DMD: variants seen among roughly 807,000 people sequenced by gnomAD.
DMD encodes the protein dystrophin, also known as mutant dystrophin.
A neutral mutation model predicts 330.1 loss-of-function variants in DMD; 63 were observed. That is an observed-to-expected ratio of 0.19 (90% CI 0.16 to 0.24). The LOEUF (loss-of-function observed/expected upper bound fraction) is 0.24. Ranked by LOEUF, DMD falls within the 10% of genes least tolerant of loss-of-function variation. The probability of loss-of-function intolerance (pLI) is 1.00; values close to 1 mark genes in which losing one functional copy is unlikely to be tolerated. For missense variants in DMD, 3,344 were observed against 2,684.1 expected, an observed-to-expected ratio of 1.25 and a Z score of -5.43; for synonymous variants, 1,223 against 959.8, an observed-to-expected ratio of 1.27 and a Z score of -5.07.
intron 42 of DMD, among the ~76,000 whole-genome samples, chrX:32,302,483 G>A (rs1451571506): frequency 9.0e-6 from 1 of 111,392 alleles, no homozygotes; most frequent in South Asian, 3.7e-4. Context: ...AAAAGCAAAC[G>A]TGGCTTAGCT....
chrX:32,743,515 C>A (rs778631602), intron 7 of DMD, among the ~76,000 whole-genome samples: 2 of 110,889 alleles, frequency 1.8e-5, no homozygotes, highest in East Asian at 5.7e-4. Flanking sequence ...AAAGAAAGGA[C>A]CCTTATTTGT....
intron 1 of DMD, among the ~76,000 whole-genome samples, chrX:33,221,150 G>A (rs1390679516): frequency 9.0e-6 from 1 of 111,464 alleles, no homozygotes; most frequent in Non-Finnish European, 1.9e-5. Context: ...CTGGGCCGTG[G>A]AATAAATGTG....
intron 7 of DMD, among the ~76,000 whole-genome samples, chrX:32,731,860 C>T (rs2067712991): frequency 8.9e-6 from 1 of 112,053 alleles, no homozygotes; most frequent in African/African-American, 3.2e-5. Flanking sequence ...AGCACCTCTC[C>T]TCCTCCAAAG....
At chrX:31,373,188 G>T in intron 60 of DMD, among the ~76,000 whole-genome samples, 1 of 106,687 alleles carries the variant, frequency 9.4e-6, no homozygotes, top group Non-Finnish European at 1.9e-5. Flanking sequence ...AGAAATGGAA[G>T]AACATTCCAT....
At chrX:31,483,301 C>T (rs1006763496) in intron 57 of DMD, among the ~76,000 whole-genome samples, 4 of 110,439 alleles carry the variant, frequency 3.6e-5, no homozygotes, top group Non-Finnish European at 3.8e-5. Context: ...CCGCCTTGGC[C>T]TCCCAAAGTG....
chrX:32,109,272 C>A (rs765072895), intron 44 of DMD, among the ~76,000 whole-genome samples: 2 of 110,464 alleles, frequency 1.8e-5, no homozygotes, highest in Admixed American at 9.7e-5. Flanking sequence ...AGACTCTATG[C>A]GCCCAGAATA....
chrX:31,338,203 C>T (rs942099452), intron 61 of DMD, among the ~76,000 whole-genome samples: 18 of 107,835 alleles, frequency 1.7e-4, no homozygotes, highest in Middle Eastern at 5.0e-3. Flanking sequence ...CGGTGGCTCA[C>T]GCCTGTAATC....
intron 9 of DMD, among the ~76,000 whole-genome samples, chrX:32,690,941 A>G (rs1327154616): frequency 2.7e-5 from 3 of 110,658 alleles, no homozygotes; most frequent in Non-Finnish European, 5.7e-5. Flanking sequence ...AATTATTTCC[A>G]AAAGCACAAG....
At position 32,649,446 on chromosome X, in the gene DMD, G is replaced by A. The variant is rs753364240; in HGVS notation, c.961-4294C>T. Reference sequence around the variant, plus strand: ...GCGGCGCCTGTAGTCCCAGTTACTCGGGAGGCTGAGGTAGGAGGAGAAAGG... The same window carrying A: ...GCGGCGCCTGTAGTCCCAGTTACTCAGGAGGCTGAGGTAGGAGGAGAAAGG... On this transcript the variant is annotated intron_variant, in intron 9 of 78. Coordinates refer to ENST00000357033, the MANE Select transcript of DMD (RefSeq NM_004006.3). 3.2e-3 allele frequency among the ~76,000 whole-genome samples: 349 copies of A among 108,330 alleles called. 1 individual carries two copies. The highest frequency in any genetic ancestry group is 5.5e-3 in the Non-Finnish European group (287 of 52,396). 94.1% of individuals were successfully genotyped at this position (108,330 alleles called of 115,157 possible). A position where few individuals can be genotyped will look rare whatever the true frequency, so the allele number is the denominator to read the frequency against.
intron 44 of DMD, among the ~76,000 whole-genome samples, chrX:32,119,090 C>A (rs769941131): frequency 9.0e-5 from 10 of 110,585 alleles, no homozygotes; most frequent in African/African-American, 3.3e-4. Flanking sequence ...TGTTAAAAGC[C>A]AAAGGAAAGC....
chrX:32,476,556 C>A (rs1209479556), intron 21 of DMD, among the ~76,000 whole-genome samples: 1 of 111,469 alleles, frequency 9.0e-6, no homozygotes, highest in Non-Finnish European at 1.9e-5. Context: ...TTCTGATTTT[C>A]TTATGTGGAA....
chrX:31,762,796 G>T (rs1464158936), intron 51 of DMD, among the ~76,000 whole-genome samples: 1 of 102,658 alleles, frequency 9.7e-6, no homozygotes, highest in African/African-American at 3.7e-5. Flanking sequence ...AGAGTAAACT[G>T]GAAAAAAAAA....
intron 2 of DMD, among the ~76,000 whole-genome samples, chrX:32,975,827 T>A (rs1433945560): frequency 9.0e-6 from 1 of 111,612 alleles, no homozygotes; most frequent in Non-Finnish European, 1.9e-5. Flanking sequence ...TTTCATGCCA[T>A]CACAGGGCCA....
intron 18 of DMD, chrX:32,517,794 A>T: frequency 2.3e-6 from 1 of 441,302 alleles, no homozygotes; most frequent in Non-Finnish European, 4.0e-6. Context: ...AGTTTATGAA[A>T]GGCATCCCTA....
At chrX:32,053,583 C>G (rs1048245686) in intron 44 of DMD, among the ~76,000 whole-genome samples, 15 of 110,697 alleles carry the variant, frequency 1.4e-4, no homozygotes, top group African/African-American at 4.9e-4. Context: ...TTTTTCTCGC[C>G]CACTCTCAAG....
intron 16 of DMD, among the ~76,000 whole-genome samples, chrX:32,563,290 C>G (rs897578407): frequency 4.2e-5 from 4 of 94,712 alleles, no homozygotes; most frequent in Admixed American, 3.9e-4. Context: ...TTGCAGTGAG[C>G]TGAGATTGTG....
chrX:31,424,167 A>G (rs766763967), intron 60 of DMD, among the ~76,000 whole-genome samples: 1 of 111,434 alleles, frequency 9.0e-6, no homozygotes, highest in African/African-American at 3.3e-5. Flanking sequence ...AATCTTCACA[A>G]CTAAGGAAGC....
At chrX:32,455,409 C>T (rs1471154509) in intron 25 of DMD, among the ~76,000 whole-genome samples, 2 of 111,312 alleles carry the variant, frequency 1.8e-5, no homozygotes, top group Non-Finnish European at 3.8e-5. Context: ...TGAATTAATG[C>T]ATTTTCACAT....
intron 55 of DMD, among the ~76,000 whole-genome samples, chrX:31,572,615 C>G (rs1056182161): frequency 3.6e-5 from 4 of 112,486 alleles, no homozygotes; most frequent in East Asian, 2.8e-4. Flanking sequence ...AGCTCCCTTG[C>G]CCCTTTGAAA....
Sources: allele counts gnomAD v4.1 joint callset (sites outside exome capture counted in the v4.1 genomes callset), GRCh38; gene constraint gnomAD v4.1.1; transcripts MANE v1.5; gene names NCBI Gene and HGNC (gene_info 2026-07-23, HGNC 2026-07-21).